KCNIP4: variants seen among roughly 807,000 people sequenced by gnomAD.
The protein encoded by KCNIP4 is Kv channel-interacting protein 4.
KCNIP4 carries 12 observed loss-of-function variants against 34.0 expected under a neutral mutation model. The ratio of observed to expected loss-of-function variants is 0.35; its 90% CI spans 0.23 to 0.57. KCNIP4 has a LOEUF of 0.57. Ranked by LOEUF, KCNIP4 falls within the 20% of genes least tolerant of loss-of-function variation. The probability of loss-of-function intolerance (pLI) is 0.83; values close to 1 mark genes in which losing one functional copy is unlikely to be tolerated. For synonymous variants in KCNIP4, 124 were observed against 102.2 expected (o/e 1.21, Z -1.29); for missense variants, 238 against 311.7 (o/e 0.76, Z 1.78).
chr4:21,737,807 G>A (rs936828786), intron 1 of KCNIP4, among the ~76,000 whole-genome samples: 3 of 152,042 alleles, frequency 2.0e-5, no homozygotes, highest in Non-Finnish European at 4.4e-5. Context: ...AAAGTCAGCC[G>A]GGCATGGTGG....
intron 1 of KCNIP4, among the ~76,000 whole-genome samples, chr4:21,908,593 A>T (rs1001576514): frequency 5.4e-4 from 82 of 152,326 alleles, no homozygotes; most frequent in African/African-American, 1.9e-3. Context: ...AGGCAGAAAG[A>T]TAAACACAGT....
At chr4:21,502,609 G>A (rs1733462527) in intron 1 of KCNIP4, among the ~76,000 whole-genome samples, 1 of 152,088 alleles carries the variant, frequency 6.6e-6, no homozygotes, top group Non-Finnish European at 1.5e-5. Flanking sequence ...TTCCTTCTGT[G>A]AAATTTTGCC....
intron 1 of KCNIP4, among the ~76,000 whole-genome samples, chr4:21,147,961 GA>G (rs565186332): frequency 0.027 from 2,290 of 85,762 alleles, 43 homozygotes; most frequent in East Asian, 0.041. Flanking sequence ...AAAAAAAAAA[GA>G]AAAAAAGTTC....
intron 3 of KCNIP4, among the ~76,000 whole-genome samples, chr4:20,768,388 G>A (rs906314126): frequency 6.6e-6 from 1 of 152,140 alleles, no homozygotes; most frequent in Non-Finnish European, 1.5e-5. Context: ...ATTAAGGGGA[G>A]ATGGCTAGGA....
intron 1 of KCNIP4, among the ~76,000 whole-genome samples, chr4:21,227,670 A>AAAAAC (rs57503395): frequency 0.21 from 32,275 of 151,548 alleles, 5,813 homozygotes; most frequent in African/African-American, 0.5. Flanking sequence ...TCCGCAGTTA[A>AAAAAC]AAAACAAAAC....
rs1177215199 is a variant in KCNIP4, at chr4:21,272,336, T to C, written c.62-389627A>G. 2.0e-5 allele frequency among the ~76,000 whole-genome samples: 3 copies of C among 152,316 alleles called. 1 individual carries two copies. Among genetic ancestry groups the C allele is most frequent in the African/African-American group, 7.2e-5 (3 of 41,572 alleles). ...TTGGCTATTATTATTTATTCATATATAAAAACAACACTAAATTATAATAAT... is the reference window on the plus strand; with the variant it reads ...TTGGCTATTATTATTTATTCATATACAAAAACAACACTAAATTATAATAAT... On this transcript the variant is annotated intron_variant, in intron 1 of 8. Coordinates refer to ENST00000382152, the MANE Select transcript of KCNIP4 (RefSeq NM_025221.6).
intron 1 of KCNIP4, among the ~76,000 whole-genome samples, chr4:21,611,783 T>C (rs995331552): frequency 6.6e-6 from 1 of 152,102 alleles, no homozygotes; most frequent in Admixed American, 6.6e-5. Context: ...CATTCTTCAA[T>C]GTCACTAGGT....
intron 1 of KCNIP4, among the ~76,000 whole-genome samples, chr4:21,436,319 C>G (rs1239750027): frequency 2.6e-5 from 4 of 152,194 alleles, no homozygotes; most frequent in Admixed American, 2.0e-4. Context: ...AATGAAGGCA[C>G]AGGAATGCTT....
At chr4:21,249,864 T>C (rs1035902421) in intron 1 of KCNIP4, among the ~76,000 whole-genome samples, 4 of 152,150 alleles carry the variant, frequency 2.6e-5, no homozygotes, top group African/African-American at 4.8e-5. Flanking sequence ...GAAAAAATTT[T>C]CCCCTTTAAA....
At chr4:21,606,880 C>G (rs1291473563) in intron 1 of KCNIP4, among the ~76,000 whole-genome samples, 2 of 152,086 alleles carry the variant, frequency 1.3e-5, no homozygotes, top group Non-Finnish European at 2.9e-5. Context: ...ATGTTGAAAG[C>G]CATCAATGGT....
intron 1 of KCNIP4, among the ~76,000 whole-genome samples, chr4:21,781,959 G>C (rs558411599): frequency 6.6e-6 from 1 of 151,990 alleles, no homozygotes; most frequent in African/African-American, 2.4e-5. Flanking sequence ...GGAGATACAA[G>C]AGATACTATT....
chr4:21,345,717 C>T (rs1214551705), intron 1 of KCNIP4, among the ~76,000 whole-genome samples: 3 of 151,978 alleles, frequency 2.0e-5, no homozygotes, highest in Non-Finnish European at 4.4e-5. Flanking sequence ...TGAACTTGTT[C>T]CCATTTTCTT....
At chr4:20,953,461 C>T (rs1383518883) in intron 1 of KCNIP4, among the ~76,000 whole-genome samples, 1 of 152,082 alleles carries the variant, frequency 6.6e-6, no homozygotes, top group African/African-American at 2.4e-5. Flanking sequence ...GTGGGCAGAT[C>T]ACTTGAGCTC....
At chr4:21,844,169 A>ACCCT (rs1723861120) in intron 1 of KCNIP4, 1 of 152,094 alleles carries the variant, frequency 6.6e-6, no homozygotes. Context: ...TTTCAGAAGA[A>ACCCT]TTTAGGACAC....
intron 1 of KCNIP4, among the ~76,000 whole-genome samples, chr4:20,959,345 T>C (rs1044170082): frequency 6.6e-6 from 1 of 152,238 alleles, no homozygotes; most frequent in Non-Finnish European, 1.5e-5. Context: ...TAACTTGCTA[T>C]GGTTTCAGAC....
chr4:21,538,011 CAAAAAAAAAA>C (rs71191517), intron 1 of KCNIP4, among the ~76,000 whole-genome samples: 37 of 51,266 alleles, frequency 7.2e-4, no homozygotes, highest in African/African-American at 2.4e-3. Flanking sequence ...GATTCCGTCT[CAAAAAAAAAA>C]AAAAAAAAAA....
At chr4:20,754,038 A>T (rs1191188324) in intron 4 of KCNIP4, among the ~76,000 whole-genome samples, 2 of 152,186 alleles carry the variant, frequency 1.3e-5, no homozygotes, top group African/African-American at 4.8e-5. Flanking sequence ...GGCTTTAAAA[A>T]TGTTTAGTGA....
intron 1 of KCNIP4, among the ~76,000 whole-genome samples, chr4:21,493,973 CA>C (rs1379352289): frequency 1.3e-5 from 2 of 152,130 alleles, no homozygotes; most frequent in Non-Finnish European, 2.9e-5. Context: ...AGTTTTAAAG[CA>C]AATATTTATT....
chr4:21,579,332 G>A (rs1447100548), intron 1 of KCNIP4, among the ~76,000 whole-genome samples: 2 of 152,046 alleles, frequency 1.3e-5, no homozygotes, highest in Non-Finnish European at 2.9e-5. Context: ...AAACTACTGT[G>A]GGGAAAAGTT....
Sources: gnomAD v4.1 joint callset for allele counts (sites outside exome capture counted in the v4.1 genomes callset) on GRCh38, gnomAD v4.1.1 for gene constraint, MANE v1.5 for transcripts, NCBI Gene and HGNC (gene_info 2026-07-23, HGNC 2026-07-21) for gene names.